Variants in B3GLCT observed in about 807,000 individuals in gnomAD.
B3GLCT encodes the protein beta-1,3-glucosyltransferase.
B3GLCT carries 65 observed loss-of-function variants against 63.4 expected under a neutral mutation model. The ratio of observed to expected loss-of-function variants is 1.03; its 90% CI spans 0.84 to 1.26. The LOEUF (loss-of-function observed/expected upper bound fraction) is 1.26. B3GLCT is among the 50% of genes most tolerant of loss of function. The pLI, the probability that B3GLCT is intolerant of heterozygous loss-of-function variation, is 0.00. For synonymous variants in B3GLCT, 233 were observed against 219.2 expected, an observed-to-expected ratio of 1.06 and a Z score of -0.55; for missense variants, 577 against 604.8, an observed-to-expected ratio of 0.95 and a Z score of 0.48.
At chr13:31,262,333 T>C (rs1230076473) in intron 7 of B3GLCT, among the ~76,000 whole-genome samples, 1 of 152,250 alleles carries the variant, frequency 6.6e-6, no homozygotes, top group African/African-American at 2.4e-5. Flanking sequence ...GTTAAGATCT[T>C]CGACTCACGC....
intron 6 of B3GLCT, among the ~76,000 whole-genome samples, chr13:31,258,025 G>C (rs576295735): frequency 6.6e-6 from 1 of 152,262 alleles, no homozygotes; most frequent in East Asian, 1.9e-4. Context: ...CCGTGGAGAA[G>C]AACAAAGCAG....
intron 7 of B3GLCT, 24 bp downstream of exon 7, chr13:31,261,106 C>T (rs757567716): frequency 1.1e-5 from 17 of 1,496,372 alleles, no homozygotes; most frequent in Middle Eastern, 3.5e-4. Context: ...GGAATTTTTT[C>T]GGGGGGCGGG....
At chr13:31,219,807 T>C (rs1256769352) in intron 2 of B3GLCT, among the ~76,000 whole-genome samples, 2 of 152,216 alleles carry the variant, frequency 1.3e-5, no homozygotes, top group Non-Finnish European at 2.9e-5. Flanking sequence ...CTTTCCTACC[T>C]GAACAAATCA....
intron 13 of B3GLCT, among the ~76,000 whole-genome samples, chr13:31,318,727 G>T (rs2137938105): frequency 6.6e-6 from 1 of 152,210 alleles, no homozygotes; most frequent in African/African-American, 2.4e-5. Flanking sequence ...TAATGCATCG[G>T]GCTTTCTGGG....
At chr13:31,292,435 G>C (rs1156987211) in intron 12 of B3GLCT, among the ~76,000 whole-genome samples, 2 of 152,282 alleles carry the variant, frequency 1.3e-5, no homozygotes, top group African/African-American at 4.8e-5. Flanking sequence ...GAGTCTGTCT[G>C]GTTCTGGGCT....
intron 6 of B3GLCT, among the ~76,000 whole-genome samples, chr13:31,251,394 G>A (rs552109638): frequency 1.6e-4 from 24 of 152,296 alleles, no homozygotes; most frequent in South Asian, 4.1e-4. Flanking sequence ...GTAGGCTTCC[G>A]AAGGTGGGTA....
intron 4 of B3GLCT, among the ~76,000 whole-genome samples, chr13:31,246,432 A>G (rs1325751781): frequency 2.6e-5 from 4 of 152,118 alleles, no homozygotes; most frequent in Admixed American, 6.5e-5. Flanking sequence ...TGTCAATTCC[A>G]TTATTATGCT....
chr13:31,223,130 T>G (rs1377507177), intron 3 of B3GLCT, 139 bp downstream of exon 3: 1 of 655,298 alleles, frequency 1.5e-6, no homozygotes, highest in Non-Finnish European at 2.7e-6. Context: ...TGGCCCAGCC[T>G]AACGTTTGCT....
At position 31,302,351 on chromosome 13, in the gene B3GLCT, G is replaced by C. The variant is rs539848957; in HGVS notation, c.1065-15215G>C. Among the ~76,000 whole-genome samples, 594 of 151,990 alleles carry C rather than the reference G, an allele frequency of 3.9e-3. 4 individuals carry two copies. Among genetic ancestry groups the C allele is most frequent in the African/African-American group, 0.014 (573 of 41,456 alleles). On this transcript the variant is annotated intron_variant, in intron 12 of 14. Transcript: ENST00000343307. ...AAGATGGCCGAATAGGAACAGCTCC[G>C]GTCTACAGCTCCCAGCGTGAGCGAC...
rs186261474 is a variant in B3GLCT at position 31,321,221 on chromosome 13, G to A, written c.1185-2530G>A. On this transcript the variant is annotated intron_variant, in intron 13 of 14. Transcript: ENST00000343307. Reference sequence around the variant, plus strand: ...AATGTGATGTTCTGTCTTTAATAGCGCTTTTACAAAGATGCAGGAACATTC... The same window carrying A: ...AATGTGATGTTCTGTCTTTAATAGCACTTTTACAAAGATGCAGGAACATTC... Among the ~76,000 whole-genome samples the A allele has an allele frequency of 6.6e-5, 10 of 152,282 alleles. 1 individual carries two copies. The East Asian group carries it at 9.6e-4, about 15-fold the overall frequency.
chr13:31,202,583 G>C (rs1868735005), intron 1 of B3GLCT, among the ~76,000 whole-genome samples: 1 of 152,172 alleles, frequency 6.6e-6, no homozygotes, highest in Non-Finnish European at 1.5e-5. Flanking sequence ...TGGGGTGGTG[G>C]TGGCAGCGGT....
chr13:31,246,404 C>T (rs1433009475), intron 4 of B3GLCT, among the ~76,000 whole-genome samples: 1 of 152,094 alleles, frequency 6.6e-6, no homozygotes, highest in Non-Finnish European at 1.5e-5. Flanking sequence ...ATTTTAGTTC[C>T]TCCTATGCTT....
chr13:31,300,004 C>CCAATACAGCCCACTGAGAT (rs1874143896), intron 12 of B3GLCT, among the ~76,000 whole-genome samples: 1 of 152,182 alleles, frequency 6.6e-6, no homozygotes, highest in Non-Finnish European at 1.5e-5. Context: ...GAAAATGCAT[C>CCAATACAGCCCACTGAGAT]CAATACAGCC....
intron 12 of B3GLCT, among the ~76,000 whole-genome samples, chr13:31,298,837 T>C (rs1874085970): frequency 6.6e-6 from 1 of 152,230 alleles, no homozygotes; most frequent in African/African-American, 2.4e-5. Context: ...AGCCCCAGCT[T>C]TGCTAAGCGG....
At chr13:31,222,891 G>A (rs1869889297) in intron 2 of B3GLCT, 61 bp from the exon 3 acceptor site, 12 of 1,116,516 alleles carry the variant, frequency 1.1e-5, no homozygotes, top group Non-Finnish European at 1.4e-6. Flanking sequence ...TGTTTACTCA[G>A]TGTACTGCTG....
chr13:31,279,877 CT>C (rs1872978477), intron 10 of B3GLCT, among the ~76,000 whole-genome samples: 1 of 152,218 alleles, frequency 6.6e-6, no homozygotes, highest in Non-Finnish European at 1.5e-5. Flanking sequence ...GGAACGCATT[CT>C]CTTTCTCAGG....
chr13:31,266,266 G>C (rs1872315931), intron 7 of B3GLCT, among the ~76,000 whole-genome samples: 2 of 151,902 alleles, frequency 1.3e-5, no homozygotes, highest in African/African-American at 2.4e-5. Flanking sequence ...CCAACCTCGT[G>C]ATCCGCCCAC....
In B3GLCT at chr13:31,226,580, C is replaced by T. The variant is rs138141319; in HGVS notation, c.161-2605C>T. 1.1e-3 allele frequency among the ~76,000 whole-genome samples: 168 copies of T among 152,092 alleles called. 3 individuals are homozygous for T. In the East Asian group the frequency reaches 0.013, roughly 12 times the overall value. On this transcript the variant is annotated intron_variant, in intron 3 of 14. Coordinates refer to ENST00000343307, the MANE Select transcript of B3GLCT (RefSeq NM_194318.4). Reference sequence around the variant, plus strand: ...GTTGGTTACTGTGATGAGCGGTGAGCGCAGGATTAAGCTTTTTTTTTATTT... The same window carrying T: ...GTTGGTTACTGTGATGAGCGGTGAGTGCAGGATTAAGCTTTTTTTTTATTT...
chr13:31,301,783 A>C (rs546836560), intron 12 of B3GLCT, among the ~76,000 whole-genome samples: 2 of 152,358 alleles, frequency 1.3e-5, no homozygotes, highest in East Asian at 3.9e-4. Flanking sequence ...GAAATGCAGC[A>C]AACTGGTTTG....
Sources: allele counts gnomAD v4.1 joint callset (sites outside exome capture counted in the v4.1 genomes callset), GRCh38; gene constraint gnomAD v4.1.1; transcripts MANE v1.5; gene names NCBI Gene and HGNC (gene_info 2026-07-23, HGNC 2026-07-21).